The following MBNL3 variants were observed in gnomAD, a reference collection of about 807,000 sequenced individuals.
MBNL3 encodes the protein muscleblind like splicing regulator 3.
A neutral mutation model predicts 24.5 loss-of-function variants in MBNL3; 6 were observed. The ratio of observed to expected loss-of-function variants is 0.25; its 90% CI spans 0.13 to 0.48. The LOEUF (loss-of-function observed/expected upper bound fraction) is 0.48. Ranked by LOEUF, MBNL3 falls within the 20% of genes least tolerant of loss-of-function variation. The pLI, the probability that MBNL3 is intolerant of heterozygous loss-of-function variation, is 0.99. For synonymous variants in MBNL3, 100 were observed against 101.7 expected (o/e 0.98, Z 0.10); for missense variants, 230 against 293.5 (o/e 0.78, Z 1.58).
intron 1 of MBNL3, among the ~76,000 whole-genome samples, chrX:132,485,197 C>T (rs979926724): frequency 3.6e-5 from 4 of 111,071 alleles, no homozygotes; most frequent in African/African-American, 1.3e-4. Flanking sequence ...CTATAATCTT[C>T]CAGTGAGAAA....
chrX:132,466,005 C>T (rs747399965), intron 1 of MBNL3, among the ~76,000 whole-genome samples: 3 of 111,954 alleles, frequency 2.7e-5, no homozygotes, highest in Admixed American at 1.9e-4. Context: ...CCATCATATA[C>T]TACAAAAGTC....
At chrX:132,407,002 G>A (rs1382039286) in intron 2 of MBNL3, among the ~76,000 whole-genome samples, 1 of 111,839 alleles carries the variant, frequency 8.9e-6, no homozygotes, top group Non-Finnish European at 1.9e-5. Flanking sequence ...ATTGGGGAAG[G>A]GGAAGGTGGG....
chrX:132,469,330 G>A (rs994769101), intron 1 of MBNL3, among the ~76,000 whole-genome samples: 9 of 112,559 alleles, frequency 8.0e-5, no homozygotes, highest in Non-Finnish European at 1.7e-4. Context: ...ATACAAATAA[G>A]TTGTCAACAA....
In MBNL3 at chrX:132,369,488, G is replaced by A. The variant is rs1405706409; in HGVS notation, c.*10178C>T. ...ATTCTTCATGTCATGAAGGTTAAAG[G>A]CAAAGTCTTAGTCCCCATCTTATGC... is the stretch of plus-strand genomic sequence containing the variant. On this transcript the variant is annotated 3_prime_UTR_variant, in exon 9 of 9. Transcript: ENST00000370853. The A allele has an allele frequency of 9.0e-6, 1 of 111,013 alleles. No homozygotes were observed. Among genetic ancestry groups the A allele is most frequent in the Non-Finnish European group, 1.9e-5 (1 of 52,927 alleles). 9.1% of individuals were successfully genotyped at this position (111,013 alleles called of 1,213,427 possible).
chrX:132,460,877 G>C (rs992630352), intron 1 of MBNL3, among the ~76,000 whole-genome samples: 5 of 110,197 alleles, frequency 4.5e-5, no homozygotes, highest in Admixed American at 9.8e-5. Context: ...CTCCCACCAT[G>C]AGTCCCCAAA....
At chrX:132,443,298 C>T (rs1006290421) in intron 1 of MBNL3, among the ~76,000 whole-genome samples, 1 of 111,880 alleles carries the variant, frequency 8.9e-6, no homozygotes, top group African/African-American at 3.2e-5. Flanking sequence ...GTGGTAGAGC[C>T]ATGACTCCAG....
chrX:132,392,037 A>C, intron 4 of MBNL3, 106 bp downstream of exon 4: 5 of 696,405 alleles, frequency 7.2e-6, no homozygotes, highest in Non-Finnish European at 1.0e-5. Context: ...AAGCTAAGAA[A>C]TTTGGGTTCT....
At chrX:132,425,108 G>C (rs759043105) in intron 2 of MBNL3, among the ~76,000 whole-genome samples, 32 of 111,715 alleles carry the variant, frequency 2.9e-4, no homozygotes, top group Non-Finnish European at 5.1e-4. Context: ...TTAAGGTTTT[G>C]TTGTTGTTGT....
intron 3 of MBNL3, among the ~76,000 whole-genome samples, chrX:132,396,352 A>G (rs975206021): frequency 1.1e-5 from 1 of 88,130 alleles, no homozygotes. Context: ...ATTCATATAT[A>G]TATATTCCTA....
chrX:132,433,754 G>A (rs1603246758), intron 2 of MBNL3, among the ~76,000 whole-genome samples: 2 of 111,146 alleles, frequency 1.8e-5, no homozygotes, highest in South Asian at 7.7e-4. Context: ...CCACCCCCGG[G>A]ACCTCCCTGC....
intron 1 of MBNL3, among the ~76,000 whole-genome samples, chrX:132,465,770 A>G (rs1016440453): frequency 6.9e-4 from 77 of 111,997 alleles, no homozygotes; most frequent in African/African-American, 2.3e-3. Flanking sequence ...GCTCCCTTAG[A>G]CTGTTATCAG....
At chrX:132,470,128 A>G (rs1303132664) in intron 1 of MBNL3, among the ~76,000 whole-genome samples, 1 of 111,749 alleles carries the variant, frequency 8.9e-6, no homozygotes, top group Non-Finnish European at 1.9e-5. Flanking sequence ...CATTTGGGCT[A>G]TTTCCACTTT....
rs536128391 is a variant in MBNL3, at chrX:132,401,610, C to CA, written c.342+4617dup. Among the ~76,000 whole-genome samples the CA allele has an allele frequency of 6.4e-3, 526 of 82,720 alleles. 2 individuals are homozygous for CA. The highest frequency in any genetic ancestry group is 0.016 in the African/African-American group (357 of 22,588). The allele number at this position is 82,720 out of a possible 115,157, so 71.8% of individuals were successfully genotyped here. A position where few individuals can be genotyped will look rare whatever the true frequency, so the allele number is the denominator to read the frequency against. ...TGGTCCACAGAGTGATACCGTGTCTCAAAAAAAAAAAAAAATTAAAAAGTA... is the reference window on the plus strand; with the variant it reads ...TGGTCCACAGAGTGATACCGTGTCTCAAAAAAAAAAAAAAAATTAAAAAGTA... On this transcript the variant is annotated intron_variant, in intron 3 of 8. Transcript: ENST00000370853.
chrX:132,481,253 G>A (rs1947717008), intron 1 of MBNL3, among the ~76,000 whole-genome samples: 1 of 111,957 alleles, frequency 8.9e-6, no homozygotes. Flanking sequence ...AGGCAACAAG[G>A]AGGCCTATTA....
intron 5 of MBNL3, among the ~76,000 whole-genome samples, chrX:132,389,359 T>C (rs1444155883): frequency 8.9e-6 from 1 of 112,044 alleles, no homozygotes; most frequent in East Asian, 2.8e-4. Flanking sequence ...GGGAGCAATT[T>C]GCAGTATTTG....
chrX:132,479,951 C>T (rs1032483883), intron 1 of MBNL3, among the ~76,000 whole-genome samples: 4 of 111,640 alleles, frequency 3.6e-5, no homozygotes, highest in African/African-American at 6.5e-5. Flanking sequence ...GAACTCAGAA[C>T]AGATGTTTGT....
At chrX:132,471,239 G>T (rs893401970) in intron 1 of MBNL3, among the ~76,000 whole-genome samples, 1 of 111,946 alleles carries the variant, frequency 8.9e-6, no homozygotes, top group Non-Finnish European at 1.9e-5. Flanking sequence ...CTCCCTAGTG[G>T]ATAGTTCTAC....
chrX:132,451,975 C>T (rs1328033581), intron 1 of MBNL3, among the ~76,000 whole-genome samples: 1 of 111,656 alleles, frequency 9.0e-6, no homozygotes, highest in Non-Finnish European at 1.9e-5. Flanking sequence ...CACCCTGCTT[C>T]AGCTTGCCCT....
chrX:132,483,916 T>C (rs1170599216), intron 1 of MBNL3, among the ~76,000 whole-genome samples: 2 of 112,521 alleles, frequency 1.8e-5, no homozygotes, highest in East Asian at 5.5e-4. Flanking sequence ...TTTTTGGATT[T>C]TGTCTGTAAC....
Sources: gnomAD v4.1 joint callset for allele counts (sites outside exome capture counted in the v4.1 genomes callset) on GRCh38, gnomAD v4.1.1 for gene constraint, MANE v1.5 for transcripts, NCBI Gene and HGNC (gene_info 2026-07-23, HGNC 2026-07-21) for gene names.